The following ZNF343 variants were observed in gnomAD, a reference collection of about 807,000 sequenced individuals.
The protein encoded by ZNF343 is zinc finger protein 343.
ZNF343 carries 11 observed loss-of-function variants against 13.8 expected under a neutral mutation model. The ratio of observed to expected loss-of-function variants is 0.80; its 90% CI spans 0.50 to 1.32. The LOEUF is 1.32. Ranked by LOEUF, ZNF343 falls within the 40% of genes most tolerant of loss-of-function variation. ZNF343 has a pLI of 0.00. For missense variants in ZNF343, 658 were observed against 714.2 expected (o/e 0.92, Z 0.90); for synonymous variants, 248 against 260.0 (o/e 0.95, Z 0.44).
At chr20:2,513,058 C>G (rs1024411878), upstream of ZNF343, among the ~76,000 whole-genome samples, 3 of 152,044 alleles carry the variant, frequency 2.0e-5, 1 homozygote, top group Non-Finnish European at 4.4e-5. Context: ...CATGATTGTA[C>G]CACTGCACTC....
intron 1 of ZNF343, among the ~76,000 whole-genome samples, chr20:2,501,579 C>A (rs1342514015): frequency 1.3e-5 from 2 of 152,206 alleles, no homozygotes; most frequent in Admixed American, 6.5e-5. Flanking sequence ...GGCAGACTGA[C>A]ACCTCACATG....
Position 2,493,228 on chromosome 20 carries a change from G to A in ZNF343, c.177+291C>T, listed in dbSNP as rs939016699. 2.5e-4 allele frequency among the ~76,000 whole-genome samples: 38 copies of A among 152,078 alleles called. 1 individual carries two copies. Among genetic ancestry groups the A allele is most frequent in the African/African-American group, 9.2e-4 (38 of 41,386 alleles). Reference sequence around the variant, plus strand: ...GGCTTGTGCTGGGCAGTAGGGAGTGGTAAAGATTTAGAGGAGAGAATGGAA... The same window carrying A: ...GGCTTGTGCTGGGCAGTAGGGAGTGATAAAGATTTAGAGGAGAGAATGGAA... On this transcript the variant is annotated intron_variant, in intron 4 of 5. Coordinates refer to ENST00000278772, the MANE Select transcript of ZNF343 (RefSeq NM_024325.6).
chr20:2,493,641 G>A (rs1433342946), intron 3 of ZNF343, 64 bp from the exon 4 acceptor site: 89 of 1,279,552 alleles, frequency 7.0e-5, no homozygotes, highest in Middle Eastern at 6.3e-4. Flanking sequence ...CCACCATGAC[G>A]CTCCCTGAGC....
At chr20:2,511,427 G>C (rs1159830824), upstream of ZNF343, among the ~76,000 whole-genome samples, 3 of 152,114 alleles carry the variant, frequency 2.0e-5, no homozygotes, top group Non-Finnish European at 4.4e-5. Context: ...ACCAATTTCT[G>C]TTTATTCAAA....
At chr20:2,521,514 G>A (rs1014554384) in intron 1 of ZNF343, among the ~76,000 whole-genome samples, 3 of 152,196 alleles carry the variant, frequency 2.0e-5, no homozygotes, top group Non-Finnish European at 4.4e-5. Flanking sequence ...CTCACCTGAT[G>A]GGAGACCTCT....
intron 1 of ZNF343, among the ~76,000 whole-genome samples, chr20:2,523,364 T>G (rs6083545): frequency 0.33 from 50,240 of 152,068 alleles, 10,135 homozygotes; most frequent in Non-Finnish European, 0.44. Flanking sequence ...CCCATGCCAC[T>G]GCTATGCCTA....
intron 1 of ZNF343, among the ~76,000 whole-genome samples, chr20:2,520,722 C>T (rs2085778774): frequency 1.3e-5 from 2 of 152,156 alleles, no homozygotes; most frequent in South Asian, 4.1e-4. Context: ...GCAGGCACCC[C>T]CTGTAAAGCA....
chr20:2,516,441 G>C (rs959061452), intron 1 of ZNF343, among the ~76,000 whole-genome samples: 1 of 152,134 alleles, frequency 6.6e-6, no homozygotes, highest in Non-Finnish European at 1.5e-5. Flanking sequence ...TTTAGGATCA[G>C]AGTAGGTCCC....
At chr20:2,502,077 C>T (rs1269355691) in intron 1 of ZNF343, among the ~76,000 whole-genome samples, 10 of 152,198 alleles carry the variant, frequency 6.6e-5, no homozygotes, top group African/African-American at 1.9e-4. Context: ...AAAAATTAGA[C>T]GAATGCCTAA....
At position 2,482,923 on chromosome 20, in the gene ZNF343, G is replaced by A; in HGVS notation, c.*238C>T. 2 of 540,938 alleles carry A rather than the reference G, an allele frequency of 3.7e-6. No individual in the cohort carries two copies. Among genetic ancestry groups the A allele is most frequent in the Admixed American group, 6.6e-5 (2 of 30,302 alleles). 33.5% of individuals were successfully genotyped at this position (540,938 alleles called of 1,614,324 possible). On this transcript the variant is annotated 3_prime_UTR_variant, in exon 6 of 6. Transcript: ENST00000278772. ...ACACATAAACTTCTCTCCTAAGTGTGTCCTTTTGTGCATGCTCAAGGCTGA... is the reference window on the plus strand; with the variant it reads ...ACACATAAACTTCTCTCCTAAGTGTATCCTTTTGTGCATGCTCAAGGCTGA...
At position 2,493,425 on chromosome 20, in the gene ZNF343, C is replaced by T. The variant is rs561816912; in HGVS notation, c.177+94G>A. On this transcript the variant is annotated intron_variant, in intron 4 of 5. Transcript: ENST00000278772. The stretch of plus-strand genomic sequence containing the variant: ...TTCACTCATCTACCCAGATGTTGAC[C>T]GCCTTTTCCTTTCCCAAGAAAGAGA... 1.6e-4 allele frequency: 202 copies of T among 1,225,936 alleles called. 1 individual carries two copies. In the East Asian group the frequency reaches 3.8e-3, roughly 23 times the overall value. The allele number at this position is 1,225,936 out of a possible 1,614,324, so 75.9% of individuals were successfully genotyped here.
At chr20:2,487,654 C>A (rs1296111730) in intron 5 of ZNF343, among the ~76,000 whole-genome samples, 1 of 152,216 alleles carries the variant, frequency 6.6e-6, no homozygotes, top group Admixed American at 6.5e-5. Context: ...AGTGTAATAT[C>A]TTTGGAGATG....
Position 2,484,536 on chromosome 20 carries a change from T to A in ZNF343, c.425A>T (p.His142Leu). The A allele has an allele frequency of 1.2e-6, 2 of 1,614,200 alleles. No homozygotes were observed. Among genetic ancestry groups the A allele is most frequent in the Non-Finnish European group, 1.7e-6 (2 of 1,180,038 alleles). The change falls in exon 6 of 6, where the codon CAT (histidine) becomes CTT (leucine). Residue 142 changes from histidine to leucine, a missense_variant. By Grantham distance (99) the His-to-Leu change is moderately conservative (BLOSUM62 -3). Transcript: ENST00000278772. The part of the protein sequence containing the change: ...FLGLCAENHF[H>L]PGNSSPGHWK... ...ATGCCCTGGGCTAGAATTCCCTGGATGGAAGTGATTTTCTGCACATAAGCC... is the reference window on the plus strand; with the variant it reads ...ATGCCCTGGGCTAGAATTCCCTGGAAGGAAGTGATTTTCTGCACATAAGCC...
chr20:2,487,905 A>C (rs2085306274), intron 5 of ZNF343, among the ~76,000 whole-genome samples: 1 of 152,234 alleles, frequency 6.6e-6, no homozygotes, highest in Non-Finnish European at 1.5e-5. Context: ...TCTAATTAGA[A>C]GTGAAGTTGA....
intron 2 of ZNF343, among the ~76,000 whole-genome samples, chr20:2,494,693 C>T (rs1407986251): frequency 2.0e-5 from 3 of 151,444 alleles, no homozygotes; most frequent in Non-Finnish European, 2.9e-5. Context: ...CACCTGACCT[C>T]GGGAAGTCGA....
Position 2,493,773 on chromosome 20 carries a change from C to T in ZNF343, c.118+5G>A. Reference sequence around the variant, plus strand: ...CATCCCTCCGGCTCCCTCAACAATTCTCACCTTTCGCTTTATGATTTTGGG... The same window carrying T: ...CATCCCTCCGGCTCCCTCAACAATTTTCACCTTTCGCTTTATGATTTTGGG... On this transcript the variant is annotated splice_donor_5th_base_variant and intron_variant, in intron 3 of 5. Coordinates refer to ENST00000278772, the MANE Select transcript of ZNF343 (RefSeq NM_024325.6). The T allele has an allele frequency of 6.2e-7, 1 of 1,610,546 alleles. No homozygotes were observed. The highest frequency in any genetic ancestry group is 1.3e-5 in the African/African-American group (1 of 74,956).
intron 2 of ZNF343, among the ~76,000 whole-genome samples, chr20:2,494,550 C>A (rs1037759570): frequency 6.6e-5 from 10 of 152,118 alleles, no homozygotes; most frequent in Admixed American, 3.9e-4. Context: ...AAGCTAATCA[C>A]TTAAGCTCAG....
In ZNF343 at chr20:2,484,506, T is replaced by C; in HGVS notation, c.455A>G (p.Lys152Arg). 1.2e-6 allele frequency: 2 copies of C among 1,614,248 alleles called. No homozygotes were observed. The highest frequency in any genetic ancestry group is 1.7e-6 in the Non-Finnish European group (2 of 1,180,048). The change falls in exon 6 of 6, where the codon AAA (lysine) becomes AGA (arginine). Residue 152 changes from lysine to arginine, a missense_variant. Lys to Arg is a conservative substitution (Grantham distance 26). Coordinates refer to ENST00000278772, the MANE Select transcript of ZNF343 (RefSeq NM_024325.6). ...HPGNSSPGHW[K>R]QQGQQYSHVS... ...ATGGGAATACTGCTGCCCCTGCTGTTTCCAATGCCCTGGGCTAGAATTCCC... is the reference window on the plus strand; with the variant it reads ...ATGGGAATACTGCTGCCCCTGCTGTCTCCAATGCCCTGGGCTAGAATTCCC...
chr20:2,496,371 G>A (rs1600056922), intron 2 of ZNF343, among the ~76,000 whole-genome samples: 1 of 152,314 alleles, frequency 6.6e-6, no homozygotes, highest in South Asian at 2.1e-4. Context: ...ACTGTGGCAG[G>A]AGGGTGTAAG....
Sources: allele counts gnomAD v4.1 joint callset (sites outside exome capture counted in the v4.1 genomes callset), GRCh38; gene constraint gnomAD v4.1.1; transcripts MANE v1.5; gene names NCBI Gene and HGNC (gene_info 2026-07-23, HGNC 2026-07-21).